The following DLGAP2 variants were observed in gnomAD, a reference collection of about 807,000 sequenced individuals.
DLGAP2 encodes DLG associated protein 2.
In DLGAP2, 26 loss-of-function variants were observed where a neutral mutation model predicts 100.3. The observed-to-expected ratio is 0.26, with a 90% confidence interval of 0.19 to 0.36. DLGAP2 has a LOEUF of 0.36. Among genes scored for constraint, DLGAP2 ranks in the 10% least tolerant of loss-of-function variants. The pLI, the probability that DLGAP2 is intolerant of heterozygous loss-of-function variation, is 1.00. For missense variants in DLGAP2, 1,858 were observed against 1,453.2 expected (o/e 1.28, Z -4.53); for synonymous variants, 886 against 630.1 (o/e 1.41, Z -6.08).
At chr8:1,239,416 C>T (rs1207678686) in intron 2 of DLGAP2, among the ~76,000 whole-genome samples, 1 of 12,190 alleles carries the variant, frequency 8.2e-5, no homozygotes, top group Non-Finnish European at 1.5e-4. Context: ...TCTCACATGG[C>T]GCCATGTCTA....
chr8:1,256,699 T>C (rs549045013), intron 2 of DLGAP2, among the ~76,000 whole-genome samples: 3 of 152,182 alleles, frequency 2.0e-5, no homozygotes, highest in Non-Finnish European at 4.4e-5. Flanking sequence ...AAACTGACTG[T>C]GGGCCCTCTG....
At position 1,594,441 on chromosome 8, in the gene DLGAP2, T is replaced by C. The variant is rs139903507; in HGVS notation, c.1442+28547T>C. ...GAAATTATGGAGCTGAAGAACATAA[T>C]TGACCTGAAAATTTTACTGGAAAGA... On this transcript the variant is annotated intron_variant, in intron 6 of 14. Coordinates refer to ENST00000637795, the MANE Select transcript of DLGAP2 (RefSeq NM_001346810.2). 1.1e-4 allele frequency among the ~76,000 whole-genome samples: 17 copies of C among 152,154 alleles called. No individual in the cohort carries two copies. The East Asian group carries it at 3.3e-3, about 29-fold the overall frequency.
chr8:1,586,685 G>C (rs919920681), intron 6 of DLGAP2, among the ~76,000 whole-genome samples: 1 of 152,234 alleles, frequency 6.6e-6, no homozygotes, highest in Non-Finnish European at 1.5e-5. Context: ...GCGTCCTTCT[G>C]TGGCGGACTC....
chr8:841,958 G>A (rs1264435613), intron 1 of DLGAP2, among the ~76,000 whole-genome samples: 1 of 152,114 alleles, frequency 6.6e-6, no homozygotes, highest in Non-Finnish European at 1.5e-5. Context: ...TACATCATGT[G>A]CCTGGCAGTC....
intron 2 of DLGAP2, among the ~76,000 whole-genome samples, chr8:1,195,259 C>G (rs925415261): frequency 6.6e-6 from 1 of 152,208 alleles, no homozygotes; most frequent in Non-Finnish European, 1.5e-5. Flanking sequence ...GTTCTGCCTC[C>G]CGCTGGCCAA....
At position 1,678,127 on chromosome 8, in the gene DLGAP2, G is replaced by A. The variant is rs1485942295; in HGVS notation, c.2289-87G>A. On this transcript the variant is annotated intron_variant, in intron 11 of 14. Coordinates refer to ENST00000637795, the MANE Select transcript of DLGAP2 (RefSeq NM_001346810.2). ...AGCCGCCAGGCTGTTGAGCTCAGGTGCGCTCCTGACAGGCGACATGTAGGA... is the reference window on the plus strand; with the variant it reads ...AGCCGCCAGGCTGTTGAGCTCAGGTACGCTCCTGACAGGCGACATGTAGGA... 8.1e-6 allele frequency: 12 copies of A among 1,472,554 alleles called. 1 individual carries two copies. Among genetic ancestry groups the A allele is most frequent in the Admixed American group, 4.1e-5 (2 of 48,584 alleles). The allele number at this position is 1,472,554 out of a possible 1,614,324, so 91.2% of individuals were successfully genotyped here.
At chr8:1,191,720 C>G (rs918782479) in intron 2 of DLGAP2, among the ~76,000 whole-genome samples, 3 of 152,140 alleles carry the variant, frequency 2.0e-5, no homozygotes, top group African/African-American at 7.2e-5. Flanking sequence ...TAATTTCCAC[C>G]TCTGATCACA....
intron 5 of DLGAP2, among the ~76,000 whole-genome samples, chr8:1,557,553 G>A (rs1802007721): frequency 1.3e-5 from 2 of 152,092 alleles, no homozygotes; most frequent in African/African-American, 4.8e-5. Context: ...AGGAGTGGCC[G>A]TCCTGCCTTC....
At chr8:1,116,718 C>G (rs1279244632) in intron 2 of DLGAP2, among the ~76,000 whole-genome samples, 5 of 152,002 alleles carry the variant, frequency 3.3e-5, no homozygotes. Context: ...GAAGGATTGC[C>G]TGAGTTCAGG....
intron 3 of DLGAP2, among the ~76,000 whole-genome samples, chr8:1,407,737 G>C (rs7834591): frequency 1.4e-4 from 8 of 56,592 alleles, no homozygotes; most frequent in East Asian, 7.1e-4. Context: ...CTGAGCGCCA[G>C]CTCGTCATCC....
intron 2 of DLGAP2, among the ~76,000 whole-genome samples, chr8:1,233,450 G>T (rs115027722): frequency 0.026 from 3,943 of 152,260 alleles, 70 homozygotes; most frequent in African/African-American, 0.038. Context: ...TGCCTACCAC[G>T]GGCCTGAATG....
chr8:1,255,898 GTGTGTCTTCTCCTGCCCA>G (rs1799195440), intron 2 of DLGAP2, among the ~76,000 whole-genome samples: 1 of 126,168 alleles, frequency 7.9e-6, no homozygotes, highest in African/African-American at 3.6e-5. Context: ...GGTGCTATGT[GTGTGTCTTCTCCTGCCCA>G]GGTGCTGTGT....
intron 4 of DLGAP2, among the ~76,000 whole-genome samples, chr8:1,524,669 A>G (rs1390397636): frequency 1.3e-5 from 2 of 152,116 alleles, no homozygotes; most frequent in East Asian, 1.9e-4. Flanking sequence ...CTCTTTCCAT[A>G]TAATCACATA....
At chr8:1,357,548 C>G (rs1801884346) in intron 3 of DLGAP2, among the ~76,000 whole-genome samples, 1 of 152,140 alleles carries the variant, frequency 6.6e-6, no homozygotes, top group Non-Finnish European at 1.5e-5. Flanking sequence ...TATTTCCCGC[C>G]TCACAGGTGC....
At chr8:816,120 C>G (rs1796472292) in intron 1 of DLGAP2, among the ~76,000 whole-genome samples, 1 of 152,118 alleles carries the variant, frequency 6.6e-6, no homozygotes, top group South Asian at 2.1e-4. Context: ...AGGTTAGTCT[C>G]TTGAAGACAG....
chr8:998,738 A>C (rs1800858174), intron 2 of DLGAP2, among the ~76,000 whole-genome samples: 1 of 152,186 alleles, frequency 6.6e-6, no homozygotes, highest in Non-Finnish European at 1.5e-5. Context: ...AATCTGAGGA[A>C]AACTTGGGTT....
intron 1 of DLGAP2, among the ~76,000 whole-genome samples, chr8:804,300 G>A (rs1796225558): frequency 6.6e-6 from 1 of 152,186 alleles, no homozygotes; most frequent in Admixed American, 6.5e-5. Flanking sequence ...CTTCTTAGAT[G>A]TTATGGATCC....
intron 14 of DLGAP2, among the ~76,000 whole-genome samples, chr8:1,700,864 G>T (rs551795748): frequency 6.6e-6 from 1 of 152,236 alleles, no homozygotes; most frequent in Non-Finnish European, 1.5e-5. Context: ...CAGGAATCGG[G>T]CGACAATGTC....
intron 3 of DLGAP2, among the ~76,000 whole-genome samples, chr8:1,332,099 A>G (rs982666246): frequency 3.9e-5 from 6 of 152,190 alleles, no homozygotes; most frequent in African/African-American, 1.2e-4. Flanking sequence ...CCCATCCCCA[A>G]CAGCCACCTT....
Sources: allele counts gnomAD v4.1 joint callset (sites outside exome capture counted in the v4.1 genomes callset), GRCh38; gene constraint gnomAD v4.1.1; transcripts MANE v1.5; gene names NCBI Gene and HGNC (gene_info 2026-07-23, HGNC 2026-07-21).